The following GRM7 variants were observed in gnomAD, a reference collection of about 807,000 sequenced individuals.
GRM7 encodes metabotropic glutamate receptor 7.
Under a neutral mutation model 84.5 loss-of-function variants are expected in GRM7, and 35 were observed. The observed-to-expected ratio is 0.41, with a 90% CI of 0.32 to 0.55. The LOEUF (loss-of-function observed/expected upper bound fraction) is 0.55, where lower values mean the gene tolerates loss of function less well. Ranked by LOEUF, GRM7 falls within the 20% of genes least tolerant of loss-of-function variation. The pLI is 0.19. For missense variants in GRM7, 1,003 were observed against 1,194.6 expected, an observed-to-expected ratio of 0.84 and a Z score of 2.36; for synonymous variants, 487 against 455.1, an observed-to-expected ratio of 1.07 and a Z score of -0.89.
intron 1 of GRM7, among the ~76,000 whole-genome samples, chr3:7,044,751 A>C (rs1696741636): frequency 6.6e-6 from 1 of 151,994 alleles, no homozygotes; most frequent in Admixed American, 6.6e-5. Flanking sequence ...CTTAAGTTGC[A>C]CTGACTGAGG....
intron 4 of GRM7, among the ~76,000 whole-genome samples, chr3:7,413,488 A>G (rs1575300467): frequency 6.6e-6 from 1 of 152,352 alleles, no homozygotes; most frequent in South Asian, 2.1e-4. Flanking sequence ...GTCAGCAAGA[A>G]GTAACTAAAT....
chr3:7,731,716 A>G (rs1702338651), intron 9 of GRM7, among the ~76,000 whole-genome samples: 1 of 152,120 alleles, frequency 6.6e-6, no homozygotes, highest in Admixed American at 6.5e-5. Context: ...AATTTCCCCA[A>G]TTACACCTGC....
chr3:7,515,988 A>C (rs1700361922), intron 7 of GRM7, among the ~76,000 whole-genome samples: 1 of 151,824 alleles, frequency 6.6e-6, no homozygotes, highest in Admixed American at 6.6e-5. Flanking sequence ...ACAAAAAATA[A>C]ATAAATAAGA....
At chr3:7,616,252 C>T (rs1175865103) in intron 8 of GRM7, among the ~76,000 whole-genome samples, 1 of 152,108 alleles carries the variant, frequency 6.6e-6, no homozygotes, top group Non-Finnish European at 1.5e-5. Context: ...ATGAAAACTA[C>T]ACAATTCTTT....
chr3:7,710,751 A>G (rs1701551846), intron 9 of GRM7, among the ~76,000 whole-genome samples: 1 of 152,182 alleles, frequency 6.6e-6, no homozygotes, highest in African/African-American at 2.4e-5. Context: ...TCATCAGCAC[A>G]GGGTATAAAA....
chr3:7,512,588 T>TC (rs1491055253), intron 7 of GRM7, among the ~76,000 whole-genome samples: 2 of 16,410 alleles, frequency 1.2e-4, no homozygotes, highest in Non-Finnish European at 2.7e-4. Flanking sequence ...TGTTTTAGAT[T>TC]TTTTTTTTTT....
chr3:7,098,280 G>A (rs964340190), intron 1 of GRM7, among the ~76,000 whole-genome samples: 1 of 151,916 alleles, frequency 6.6e-6, no homozygotes, highest in South Asian at 2.1e-4. Context: ...GTTATTTGTT[G>A]GGTCCTTGCA....
At chr3:7,399,406 A>G (rs1479654874) in intron 4 of GRM7, among the ~76,000 whole-genome samples, 1 of 152,154 alleles carries the variant, frequency 6.6e-6, no homozygotes, top group Non-Finnish European at 1.5e-5. Context: ...GCCTCACAGC[A>G]GAACCATGAG....
intron 1 of GRM7, among the ~76,000 whole-genome samples, chr3:7,026,933 C>T (rs1374668777): frequency 6.6e-6 from 1 of 152,204 alleles, no homozygotes; most frequent in Non-Finnish European, 1.5e-5. Context: ...ATTTCTGGCG[C>T]TGGCCAATCA....
intron 7 of GRM7, among the ~76,000 whole-genome samples, chr3:7,496,729 G>A (rs1699716527): frequency 6.6e-6 from 1 of 151,738 alleles, no homozygotes; most frequent in Admixed American, 6.6e-5. Context: ...GAAATATAAA[G>A]GGATAAAGAG....
rs1190909844 is a variant in GRM7, at chr3:7,568,927, CT to C, written c.1516-9494del. ...CAGCCTCCCGGACGAGCGCCGCCCC[CT>C]GCTCCACCGGTGCCCTGTCCCATCG... On this transcript the variant is annotated intron_variant, in intron 7 of 9. Transcript: ENST00000357716. Among the ~76,000 whole-genome samples, 8 of 152,266 alleles carry C rather than the reference CT, an allele frequency of 5.3e-5. No homozygotes were observed. In the South Asian group the frequency reaches 1.4e-3, roughly 28 times the overall value.
intron 4 of GRM7, among the ~76,000 whole-genome samples, chr3:7,408,392 G>T (rs570421185): frequency 1.7e-4 from 26 of 152,060 alleles, no homozygotes; most frequent in African/African-American, 6.3e-4. Flanking sequence ...TGAGATTTTT[G>T]TTCTTTGTGG....
At chr3:7,460,976 T>C (rs930895417) in intron 6 of GRM7, among the ~76,000 whole-genome samples, 1 of 152,194 alleles carries the variant, frequency 6.6e-6, no homozygotes, top group Non-Finnish European at 1.5e-5. Flanking sequence ...AATGAGAGAT[T>C]GAGAAAGAAA....
At chr3:7,446,469 T>TG (rs1364769720) in intron 5 of GRM7, among the ~76,000 whole-genome samples, 8 of 149,508 alleles carry the variant, frequency 5.4e-5, no homozygotes, top group Admixed American at 2.0e-4. Context: ...TTTTTGTTTT[T>TG]TTTTTTTTTG....
intron 1 of GRM7, among the ~76,000 whole-genome samples, chr3:6,994,862 G>A (rs369023009): frequency 1.3e-5 from 2 of 152,158 alleles, no homozygotes; most frequent in African/African-American, 4.8e-5. Context: ...GCCAAATTGG[G>A]TTTTGTATTT....
At chr3:6,984,949 T>C (rs1476479652) in intron 1 of GRM7, among the ~76,000 whole-genome samples, 2 of 152,136 alleles carry the variant, frequency 1.3e-5, no homozygotes, top group Non-Finnish European at 2.9e-5. Context: ...GGAAAAGCAG[T>C]CCATTTCAGT....
chr3:7,330,373 T>G (rs532272394), intron 4 of GRM7, among the ~76,000 whole-genome samples: 20 of 152,232 alleles, frequency 1.3e-4, no homozygotes, highest in African/African-American at 3.9e-4. Context: ...CAAGCTGACC[T>G]CCATCCTCAA....
intron 7 of GRM7, among the ~76,000 whole-genome samples, chr3:7,469,155 A>G (rs927531888): frequency 2.6e-5 from 4 of 152,210 alleles, no homozygotes; most frequent in Admixed American, 1.3e-4. Context: ...GGACTAGGTC[A>G]TTGTTGACTT....
At chr3:7,728,768 G>A (rs1702214953) in intron 9 of GRM7, among the ~76,000 whole-genome samples, 1 of 152,218 alleles carries the variant, frequency 6.6e-6, no homozygotes, top group Admixed American at 6.5e-5. Context: ...TATAACTGGA[G>A]TGCTATGGAG....
Sources: gnomAD v4.1 joint callset for allele counts (sites outside exome capture counted in the v4.1 genomes callset) on GRCh38, gnomAD v4.1.1 for gene constraint, MANE v1.5 for transcripts, NCBI Gene and HGNC (gene_info 2026-07-23, HGNC 2026-07-21) for gene names.